Variants in CRYBG1 observed in about 807,000 individuals in gnomAD.
The protein encoded by CRYBG1 is beta/gamma crystallin domain-containing protein 1.
A neutral mutation model predicts 189.2 loss-of-function variants in CRYBG1; 139 were observed. The observed-to-expected ratio is 0.73, with a 90% CI of 0.64 to 0.85. The LOEUF is 0.85. Among genes scored for constraint, CRYBG1 ranks in the 40% least tolerant of loss-of-function variants. The probability of loss-of-function intolerance (pLI) is 0.00; values close to 1 mark genes in which losing one functional copy is unlikely to be tolerated. For synonymous variants in CRYBG1, 1,023 were observed against 1,017.1 expected, an observed-to-expected ratio of 1.01 and a Z score of -0.11; for missense variants, 2,611 against 2,675.8, an observed-to-expected ratio of 0.98 and a Z score of 0.53.
chr6:106,400,238 C>G (rs1770696483), intron 1 of CRYBG1, among the ~76,000 whole-genome samples: 1 of 152,038 alleles, frequency 6.6e-6, no homozygotes, highest in Non-Finnish European at 1.5e-5. Context: ...CCTTGGCCTT[C>G]CAAAGTATTG....
intron 1 of CRYBG1, among the ~76,000 whole-genome samples, chr6:106,433,124 C>A (rs950932424): frequency 6.6e-6 from 1 of 152,140 alleles, no homozygotes; most frequent in African/African-American, 2.4e-5. Context: ...CAGGCAGGAG[C>A]CACCATGCCC....
At chr6:106,363,080 C>T (rs1771910735) in intron 1 of CRYBG1, among the ~76,000 whole-genome samples, 1 of 150,934 alleles carries the variant, frequency 6.6e-6, no homozygotes, top group African/African-American at 2.4e-5. Context: ...CCCGTCTCTA[C>T]TAAAAATACA....
intron 1 of CRYBG1, among the ~76,000 whole-genome samples, chr6:106,431,807 AGAGGGCCAGC>A (rs1771330832): frequency 6.6e-6 from 1 of 152,098 alleles, no homozygotes; most frequent in African/African-American, 2.4e-5. Flanking sequence ...CCCACCCTAC[AGAGGGCCAGC>A]TGGCTCCCTG....
At chr6:106,552,435 A>C (rs1334160121) in intron 15 of CRYBG1, 4 of 242,664 alleles carry the variant, frequency 1.6e-5, no homozygotes, top group African/African-American at 4.6e-5. Flanking sequence ...AAAAGACAAA[A>C]ATTAGCTGGG....
At chr6:106,515,400 G>C (rs1773395022) in intron 3 of CRYBG1, among the ~76,000 whole-genome samples, 1 of 152,214 alleles carries the variant, frequency 6.6e-6, no homozygotes. Flanking sequence ...AATCTTTAAT[G>C]TGCAGATACG....
At chr6:106,563,708 T>C (rs1774791056) in intron 20 of CRYBG1, 56 bp from the exon 21 acceptor site, 3 of 1,534,008 alleles carry the variant, frequency 2.0e-6, no homozygotes, top group Admixed American at 3.7e-5. Flanking sequence ...AAATAATTGC[T>C]ATGAGACTTA....
At position 106,560,824 on chromosome 6, in the gene CRYBG1, C is replaced by T. The variant is rs759952862; in HGVS notation, c.5877C>T (p.Gly1959=). The T allele has an allele frequency of 4.4e-5, 71 of 1,612,020 alleles. No homozygotes were observed. Among genetic ancestry groups the T allele is most frequent in the Non-Finnish European group, 5.8e-5 (68 of 1,179,352 alleles). ...IGGIWVTYEY[G]SYRGRQFLLS... Reference sequence around the variant, plus strand: ...TCAGATGGGTTACTTATGAATATGGCAGTTACAGAGGGCGACAGTTCCTAT... The same window carrying T: ...TCAGATGGGTTACTTATGAATATGGTAGTTACAGAGGGCGACAGTTCCTAT... Residue 1959 remains glycine (G), a synonymous_variant, in exon 19 of 22, where the codon GGC becomes GGT. Transcript: ENST00000633556.
At chr6:106,432,757 A>G (rs1164854497) in intron 1 of CRYBG1, among the ~76,000 whole-genome samples, 1 of 151,430 alleles carries the variant, frequency 6.6e-6, no homozygotes, top group African/African-American at 2.4e-5. Flanking sequence ...CCTCCATTAA[A>G]CCCCTGGGCT....
chr6:106,514,723 G>A (rs1464489806), intron 3 of CRYBG1, among the ~76,000 whole-genome samples: 1 of 152,204 alleles, frequency 6.6e-6, no homozygotes. Context: ...CTGTGAAATA[G>A]TAGGCTAAAC....
intron 1 of CRYBG1, among the ~76,000 whole-genome samples, chr6:106,372,194 A>T (rs982593295): frequency 4.6e-5 from 7 of 152,264 alleles, no homozygotes; most frequent in African/African-American, 1.4e-4. Context: ...ACTGATCAAC[A>T]AAGAACAAAC....
intron 1 of CRYBG1, among the ~76,000 whole-genome samples, chr6:106,413,145 A>C (rs546860253): frequency 6.6e-6 from 1 of 152,172 alleles, no homozygotes; most frequent in African/African-American, 2.4e-5. Flanking sequence ...CATCACCCCC[A>C]TAGCCAGCAA....
intron 1 of CRYBG1, among the ~76,000 whole-genome samples, chr6:106,414,472 CA>C (rs985544774): frequency 3.3e-5 from 5 of 152,326 alleles, no homozygotes; most frequent in South Asian, 4.1e-4. Flanking sequence ...TTCTCTACTA[CA>C]AAGGAGGTCA....
intron 8 of CRYBG1, among the ~76,000 whole-genome samples, chr6:106,534,809 G>A (rs1388578279): frequency 6.6e-6 from 1 of 152,050 alleles, no homozygotes; most frequent in African/African-American, 2.4e-5. Context: ...GGGTTTTTTG[G>A]GGGCGGGGTG....
chr6:106,423,694 C>CTTTTTTTTTTTTTTTTTTTTTTTT (rs1350862841), intron 1 of CRYBG1, among the ~76,000 whole-genome samples: 2 of 101,246 alleles, frequency 2.0e-5, no homozygotes, highest in African/African-American at 4.2e-5. Context: ...TTCTCCCTCC[C>CTTTTTTTTTTTTTTTTTTTTTTTT]CTTTTTTTTT....
intron 2 of CRYBG1, among the ~76,000 whole-genome samples, chr6:106,485,071 G>A (rs1270494598): frequency 2.6e-5 from 4 of 152,174 alleles, no homozygotes; most frequent in South Asian, 2.1e-4. Context: ...TAAATCTGTA[G>A]ATTGCTTTGG....
At chr6:106,445,788 C>G (rs1027575452) in intron 1 of CRYBG1, among the ~76,000 whole-genome samples, 1 of 152,172 alleles carries the variant, frequency 6.6e-6, no homozygotes, top group African/African-American at 2.4e-5. Flanking sequence ...TATATTTGAT[C>G]CTTTATTCAG....
At chr6:106,405,707 T>A (rs1021321464) in intron 1 of CRYBG1, among the ~76,000 whole-genome samples, 2 of 152,228 alleles carry the variant, frequency 1.3e-5, no homozygotes, top group Non-Finnish European at 2.9e-5. Context: ...CAATCTTTGC[T>A]GTTCTGCAGC....
intron 2 of CRYBG1, among the ~76,000 whole-genome samples, chr6:106,505,472 G>A (rs910899617): frequency 1.1e-4 from 16 of 151,896 alleles, no homozygotes; most frequent in African/African-American, 2.2e-4. Context: ...TAAGTGATCC[G>A]CTGGCCTCAG....
At chr6:106,423,262 T>TTG (rs1373297569) in intron 1 of CRYBG1, among the ~76,000 whole-genome samples, 2 of 149,600 alleles carry the variant, frequency 1.3e-5, no homozygotes, top group Non-Finnish European at 3.0e-5. Context: ...TTTTTTTTTT[T>TTG]TTTTTTTTTT....
Sources: allele counts gnomAD v4.1 joint callset (sites outside exome capture counted in the v4.1 genomes callset), GRCh38; gene constraint gnomAD v4.1.1; transcripts MANE v1.5; gene names NCBI Gene and HGNC (gene_info 2026-07-23, HGNC 2026-07-21).